The following ERBB4 variants were observed in gnomAD, a reference collection of about 807,000 sequenced individuals.
ERBB4 encodes erb-b2 receptor tyrosine kinase 4, also known as receptor tyrosine-protein kinase erbB-4.
A neutral mutation model predicts 158.0 loss-of-function variants in ERBB4; 42 were observed. That is an observed-to-expected ratio of 0.27 (90% CI 0.21 to 0.34). ERBB4 has a LOEUF of 0.34. ERBB4 is among the 10% of genes least tolerant of loss of function. ERBB4 has a pLI of 1.00. For synonymous variants in ERBB4, 583 were observed against 558.7 expected (o/e 1.04, Z -0.61); for missense variants, 1,333 against 1,624.1 (o/e 0.82, Z 3.08).
At chr2:211,860,438 A>G (rs2077982512) in intron 3 of ERBB4, among the ~76,000 whole-genome samples, 1 of 152,144 alleles carries the variant, frequency 6.6e-6, no homozygotes, top group African/African-American at 2.4e-5. Context: ...TAGATTAAAA[A>G]CAGATTGCTC....
intron 2 of ERBB4, among the ~76,000 whole-genome samples, chr2:212,065,026 TGTTGTG>T (rs1488550755): frequency 1.6e-3 from 224 of 144,116 alleles, no homozygotes; most frequent in African/African-American, 5.1e-3. Context: ...TGTGTGTGTG[TGTTGTG>T]TGTGTGTGTG....
intron 1 of ERBB4, among the ~76,000 whole-genome samples, chr2:212,498,236 A>G (rs927351676): frequency 6.6e-6 from 1 of 152,006 alleles, no homozygotes; most frequent in African/African-American, 2.4e-5. Context: ...TTGAACCTCC[A>G]GTCTTTCAAA....
chr2:212,320,915 AAAACG>A (rs1305839907), intron 1 of ERBB4, among the ~76,000 whole-genome samples: 2 of 150,256 alleles, frequency 1.3e-5, no homozygotes, highest in East Asian at 2.0e-4. Context: ...GTTTGGTAAG[AAAACG>A]AAACAAAAGA....
At chr2:212,382,587 T>C (rs2090544738) in intron 1 of ERBB4, among the ~76,000 whole-genome samples, 1 of 151,006 alleles carries the variant, frequency 6.6e-6, no homozygotes, top group African/African-American at 2.4e-5. Flanking sequence ...TTCTGAATCT[T>C]TCCTCAGGAA....
At chr2:212,456,807 G>A (rs900089074) in intron 1 of ERBB4, among the ~76,000 whole-genome samples, 6 of 151,930 alleles carry the variant, frequency 3.9e-5, no homozygotes, top group Middle Eastern at 3.4e-3. Flanking sequence ...ATAATTATTG[G>A]TGGTGTGTTC....
intron 1 of ERBB4, among the ~76,000 whole-genome samples, chr2:212,441,825 G>A (rs2092260827): frequency 6.6e-6 from 1 of 152,230 alleles, no homozygotes; most frequent in Admixed American, 6.5e-5. Flanking sequence ...AAAGGCTTAG[G>A]GAGACTGGGA....
At chr2:211,437,181 TA>T (rs2063873279) in intron 20 of ERBB4, among the ~76,000 whole-genome samples, 1 of 152,302 alleles carries the variant, frequency 6.6e-6, no homozygotes, top group South Asian at 2.1e-4. Flanking sequence ...GACTATTTTT[TA>T]TACCTTCTCT....
intron 3 of ERBB4, among the ~76,000 whole-genome samples, chr2:211,825,170 A>T (rs2077074739): frequency 6.6e-6 from 1 of 151,914 alleles, no homozygotes; most frequent in South Asian, 2.1e-4. Flanking sequence ...CAGTAGAATA[A>T]GTCTGTTTTA....
intron 12 of ERBB4, among the ~76,000 whole-genome samples, chr2:211,692,140 G>T (rs1423986344): frequency 6.6e-6 from 1 of 152,166 alleles, no homozygotes; most frequent in Non-Finnish European, 1.5e-5. Flanking sequence ...TTTAATCTGT[G>T]TTCATAAACT....
chr2:212,016,057 T>A (rs373623310), intron 2 of ERBB4, among the ~76,000 whole-genome samples: 2 of 151,828 alleles, frequency 1.3e-5, no homozygotes, highest in African/African-American at 4.8e-5. Context: ...GTGCATTGGC[T>A]GCCAGGAATA....
intron 27 of ERBB4, among the ~76,000 whole-genome samples, chr2:211,385,538 G>C (rs1310110398): frequency 6.6e-6 from 1 of 152,132 alleles, no homozygotes; most frequent in African/African-American, 2.4e-5. Context: ...AAGGAATGCA[G>C]AATTTGGTCT....
At chr2:211,812,455 C>T (rs1224526006) in intron 3 of ERBB4, among the ~76,000 whole-genome samples, 7 of 152,196 alleles carry the variant, frequency 4.6e-5, no homozygotes, top group Non-Finnish European at 2.9e-5. Context: ...TGTTAGTCGG[C>T]CCCTACTGGG....
chr2:212,502,921 C>T (rs909851597), intron 1 of ERBB4, among the ~76,000 whole-genome samples: 7 of 152,132 alleles, frequency 4.6e-5, no homozygotes, highest in African/African-American at 1.7e-4. Flanking sequence ...CAGGAACATG[C>T]CACCATGCCC....
intron 1 of ERBB4, among the ~76,000 whole-genome samples, chr2:212,456,487 A>C (rs1688294199): frequency 1.3e-5 from 2 of 151,872 alleles, no homozygotes; most frequent in Admixed American, 1.3e-4. Flanking sequence ...TTCTCAACTG[A>C]TTGTTCTTAA....
intron 20 of ERBB4, among the ~76,000 whole-genome samples, chr2:211,523,559 G>A (rs924635757): frequency 1.3e-5 from 2 of 151,740 alleles, no homozygotes; most frequent in Non-Finnish European, 2.9e-5. Flanking sequence ...TGGTCTCCTA[G>A]GCTCAGGAGT....
At chr2:211,730,016 A>C (rs1217932638) in intron 5 of ERBB4, among the ~76,000 whole-genome samples, 2 of 151,994 alleles carry the variant, frequency 1.3e-5, no homozygotes, top group African/African-American at 4.8e-5. Flanking sequence ...AATATCCATG[A>C]GAATTAGACG....
chr2:212,420,067 G>C (rs539766046), intron 1 of ERBB4, among the ~76,000 whole-genome samples: 15 of 152,010 alleles, frequency 9.9e-5, no homozygotes, highest in Non-Finnish European at 2.1e-4. Context: ...AAGGTGCTGA[G>C]AATATGACAC....
chr2:211,731,089 G>A (rs1338261363), intron 5 of ERBB4, among the ~76,000 whole-genome samples: 2 of 152,012 alleles, frequency 1.3e-5, no homozygotes, highest in African/African-American at 4.8e-5. Flanking sequence ...CTATATTTTC[G>A]ATGGAAATAT....
chr2:211,766,009 A>G (rs2075541725), intron 4 of ERBB4, among the ~76,000 whole-genome samples: 2 of 152,152 alleles, frequency 1.3e-5, no homozygotes, highest in East Asian at 1.9e-4. Flanking sequence ...CAAGATAACT[A>G]CCTGTTTGAT....
Sources: allele counts gnomAD v4.1 joint callset (sites outside exome capture counted in the v4.1 genomes callset), GRCh38; gene constraint gnomAD v4.1.1; transcripts MANE v1.5; gene names NCBI Gene and HGNC (gene_info 2026-07-23, HGNC 2026-07-21).